Variants in CRBN observed in about 807,000 individuals in gnomAD.
CRBN encodes cereblon.
CRBN carries 53 observed loss-of-function variants against 62.2 expected under a neutral mutation model. That is an observed-to-expected ratio of 0.85 (90% CI 0.68 to 1.07). The LOEUF (loss-of-function observed/expected upper bound fraction) is 1.07. CRBN is among the 50% of genes least tolerant of loss of function. CRBN has a pLI of 0.00. For synonymous variants in CRBN, 208 were observed against 176.1 expected (o/e 1.18, Z -1.43); for missense variants, 616 against 531.1 (o/e 1.16, Z -1.57).
Position 3,172,878 on chromosome 3 carries a change from T to C in CRBN, c.425A>G (p.Tyr142Cys). The C allele has an allele frequency of 6.2e-7, 1 of 1,613,656 alleles. No homozygotes were observed. ...AAAATCCTGTTCTTCTCGATAGGCATATATCTCTGCTGTTGTTCCAAACTG... is the reference window on the plus strand; with the variant it reads ...AAAATCCTGTTCTTCTCGATAGGCACATATCTCTGCTGTTGTTCCAAACTG... ...EAQFGTTAEI[Y>C]AYREEQDFGI... The change falls in exon 4 of 11, where the codon TAT becomes TGT. Residue 142 changes from tyrosine to cysteine, a missense_variant. By Grantham distance (194) the Tyr-to-Cys change is radical (BLOSUM62 -2). Transcript: ENST00000231948.
chr3:3,158,116 A>G (rs553938193), intron 5 of CRBN, among the ~76,000 whole-genome samples: 1 of 152,322 alleles, frequency 6.6e-6, no homozygotes, highest in Admixed American at 6.5e-5. Flanking sequence ...CGTGGAAAAC[A>G]GTTTTTCCAA....
intron 10 of CRBN, 125 bp from the exon 11 acceptor site, chr3:3,151,170 T>C (rs1217225686): frequency 9.7e-7 from 1 of 1,034,178 alleles, no homozygotes; most frequent in African/African-American, 1.6e-5. Flanking sequence ...AAGTTGAGAT[T>C]TGATCCATAC....
chr3:3,173,850 A>C (rs1707724610), intron 3 of CRBN: 1 of 591,310 alleles, frequency 1.7e-6, no homozygotes. Flanking sequence ...TTGTGTATGA[A>C]GGTGAAGAGC....
Position 3,150,128 on chromosome 3 carries a change from A to G in CRBN, c.*737T>C, listed in dbSNP as rs1706404215. On this transcript the variant is annotated 3_prime_UTR_variant, in exon 11 of 11. Coordinates refer to ENST00000231948, the MANE Select transcript of CRBN (RefSeq NM_016302.4). The stretch of plus-strand genomic sequence containing the variant: ...GGACATGTTTTGGCATCTTTTCCCT[A>G]TAGTAGTAGTTTTGGTTCAAATTAA... 1 of 152,152 alleles carries G rather than the reference A, an allele frequency of 6.6e-6. No individual in the cohort carries two copies. Among genetic ancestry groups the G allele is most frequent in the South Asian group, 2.1e-4 (1 of 4,832 alleles). The allele number at this position is 152,152 out of a possible 1,614,324, so 9.4% of individuals were successfully genotyped here. A position where few individuals can be genotyped will look rare whatever the true frequency, so the allele number is the denominator to read the frequency against.
chr3:3,179,540 G>T, intron 1 of CRBN, 81 bp downstream of exon 1: 1 of 1,407,852 alleles, frequency 7.1e-7, no homozygotes, highest in Non-Finnish European at 1.0e-6. Flanking sequence ...CCCCACGCCC[G>T]CCTCCCAGGC....
rs1316292398 is a variant in CRBN at position 3,167,633 on chromosome 3, C to T, written c.687+1G>A. 7 of 1,612,360 alleles carry T rather than the reference C, an allele frequency of 4.3e-6. No individual in the cohort carries two copies. The highest frequency in any genetic ancestry group is 5.1e-6 in the Non-Finnish European group (6 of 1,179,004). ...AGATGCATAAAAAATTAGTTTCTCACCTTCTGGTATTTCTGCCACCATTTA... is the reference window on the plus strand; with the variant it reads ...AGATGCATAAAAAATTAGTTTCTCATCTTCTGGTATTTCTGCCACCATTTA... On this transcript the variant is annotated splice_donor_variant, in intron 5 of 10. Transcript: ENST00000231948. LOFTEE classifies it high-confidence loss of function.
rs367786279 is a variant in CRBN at position 3,156,232 on chromosome 3, G to C, written c.737C>G (p.Ser246Cys). The change falls in exon 6 of 11, where the codon TCC becomes TGC. Residue 246 changes from serine (S) to cysteine (C), a missense_variant. By Grantham distance (112) the Ser-to-Cys change is moderately radical. Transcript: ENST00000231948. ...TAAGTTACTTACAGCATCATATAAG[G>C]AATACAGCCAGCGAGGCCATGAAGT... ...NLTSWPRWLYSLYDAETLMDR... is the reference protein window; with the variant it reads ...NLTSWPRWLYCLYDAETLMDR... 1.9e-6 allele frequency: 3 copies of C among 1,613,446 alleles called. No homozygotes were observed.
chr3:3,150,815 T>A lies in CRBN; in HGVS notation c.*50A>T. On this transcript the variant is annotated 3_prime_UTR_variant, in exon 11 of 11. Transcript: ENST00000231948. ...CAGAGGCAATAATTTCCAAAGCAGA[T>A]CTTAGAATATAACCAATTTGTTAGA... The A allele has an allele frequency of 6.4e-7, 1 of 1,559,490 alleles. No homozygotes were observed. The highest frequency in any genetic ancestry group is 1.4e-5 in the African/African-American group (1 of 73,046).
At chr3:3,157,622 T>C (rs1482113024) in intron 5 of CRBN, among the ~76,000 whole-genome samples, 1 of 152,280 alleles carries the variant, frequency 6.6e-6, no homozygotes, top group East Asian at 1.9e-4. Flanking sequence ...GAGTAAGATC[T>C]GCAGGAAACG....
At chr3:3,152,419 A>C in intron 10 of CRBN, 37 bp downstream of exon 10, 1 of 1,588,526 alleles carries the variant, frequency 6.3e-7, no homozygotes, top group Non-Finnish European at 8.5e-7. Flanking sequence ...TTAAGGTAAA[A>C]AAAGAAAAAA....
chr3:3,170,720 T>C (rs768386030), intron 4 of CRBN, among the ~76,000 whole-genome samples: 5 of 152,182 alleles, frequency 3.3e-5, no homozygotes, highest in African/African-American at 7.2e-5. Context: ...GACATACCCT[T>C]ATGAGAGGCC....
In CRBN at chr3:3,172,950, A is replaced by T. The variant is rs765577952; in HGVS notation, c.378-25T>A. The T allele has an allele frequency of 1.9e-6, 3 of 1,603,192 alleles. No individual in the cohort carries two copies. In the South Asian group the frequency reaches 3.3e-5, roughly 18 times the overall value. On this transcript the variant is annotated intron_variant, in intron 3 of 10. Coordinates refer to ENST00000231948, the MANE Select transcript of CRBN (RefSeq NM_016302.4). ...GCTTCCAAGAAAATTTTAAAAGGAA[A>T]GAATTTTGAACATTTGAGTTTTAAA...
Position 3,172,943 on chromosome 3 carries a change from A to C in CRBN, c.378-18T>G, listed in dbSNP as rs1707680327. On this transcript the variant is annotated intron_variant, in intron 3 of 10. Transcript: ENST00000231948. The stretch of plus-strand genomic sequence containing the variant: ...GTACATTGCTTCCAAGAAAATTTTA[A>C]AAGGAAAGAATTTTGAACATTTGAG... 27 of 1,609,086 alleles carry C rather than the reference A, an allele frequency of 1.7e-5. No homozygotes were observed. The highest frequency in any genetic ancestry group is 2.0e-5 in the Non-Finnish European group (24 of 1,175,574).
At position 3,150,765 on chromosome 3, in the gene CRBN, A is replaced by ATGTT; in HGVS notation, c.*96_*99dup. 8.9e-7 allele frequency: 1 copy of ATGTT among 1,129,362 alleles called. No homozygotes were observed. 70.0% of individuals were successfully genotyped at this position (1,129,362 alleles called of 1,614,324 possible). ...TAATGTTATGTTTACTTAGGTATTA[A>ATGTT]TGTTATGTTTACTTAGGTATGTATC... On this transcript the variant is annotated 3_prime_UTR_variant, in exon 11 of 11. Transcript: ENST00000231948.
At chr3:3,166,667 A>G (rs1474548131) in intron 5 of CRBN, among the ~76,000 whole-genome samples, 1 of 152,166 alleles carries the variant, frequency 6.6e-6, no homozygotes, top group Admixed American at 6.5e-5. Flanking sequence ...AAGACCAGGA[A>G]GTCTTATAGA....
At chr3:3,159,349 G>C (rs1204652145) in intron 5 of CRBN, among the ~76,000 whole-genome samples, 1 of 152,102 alleles carries the variant, frequency 6.6e-6, no homozygotes, top group Admixed American at 6.5e-5. Flanking sequence ...CCAACTGAAA[G>C]TTTTAGTTTC....
At position 3,175,253 on chromosome 3, in the gene CRBN, T is replaced by G; in HGVS notation, c.84A>C (p.Glu28Asp). ...LPLLPAESEE[E>D]DEMEVEDQDS... is the part of the protein sequence containing the mutation. Reference sequence around the variant, plus strand: ...CCTGGTCTTCAACTTCCATTTCATCTTCTTCCTCACTCTCTGCTATAAAAG... The same window carrying G: ...CCTGGTCTTCAACTTCCATTTCATCGTCTTCCTCACTCTCTGCTATAAAAG... Residue 28 changes from glutamate (E) to aspartate (D), a missense_variant, in exon 2 of 11, where the codon GAA becomes GAC. Transcript: ENST00000231948. 1 of 1,610,144 alleles carries G rather than the reference T, an allele frequency of 6.2e-7. No individual in the cohort carries two copies. Among genetic ancestry groups the G allele is most frequent in the Non-Finnish European group, 8.5e-7 (1 of 1,176,558 alleles).
In CRBN at chr3:3,175,270, C is replaced by T; in HGVS notation, c.68-1G>A. ...ATTTCATCTTCTTCCTCACTCTCTG[C>T]TATAAAAGTAGAATATTGTAAGAAA... On this transcript the variant is annotated splice_acceptor_variant, in intron 1 of 10. Transcript: ENST00000231948. LOFTEE classifies it high-confidence loss of function. The T allele has an allele frequency of 6.3e-7, 1 of 1,583,656 alleles. No homozygotes were observed. The highest frequency in any genetic ancestry group is 1.1e-5 in the South Asian group (1 of 90,282).
intron 4 of CRBN, among the ~76,000 whole-genome samples, chr3:3,168,310 A>G (rs1000898777): frequency 3.9e-5 from 6 of 152,310 alleles, no homozygotes; most frequent in African/African-American, 1.2e-4. Flanking sequence ...GTTACATGCA[A>G]CCTTTCTGTG....
Sources: gnomAD v4.1 joint callset for allele counts (sites outside exome capture counted in the v4.1 genomes callset) on GRCh38, gnomAD v4.1.1 for gene constraint, MANE v1.5 for transcripts, NCBI Gene and HGNC (gene_info 2026-07-23, HGNC 2026-07-21) for gene names.